Variants in AOX1 observed in about 807,000 individuals in gnomAD.
The protein encoded by AOX1 is aldehyde oxidase 1.
In AOX1, 153 loss-of-function variants were observed where a neutral mutation model predicts 169.5. The ratio of observed to expected loss-of-function variants is 0.90; its 90% confidence interval spans 0.79 to 1.03. The LOEUF (loss-of-function observed/expected upper bound fraction) is 1.03. AOX1 is among the 50% of genes least tolerant of loss of function. The pLI is 0.00. For missense variants in AOX1, 1,656 were observed against 1,663.9 expected (o/e 1.00, Z 0.08); for synonymous variants, 562 against 581.9 (o/e 0.97, Z 0.49).
intron 27 of AOX1, 87 bp from the exon 28 acceptor site, chr2:200,659,078 G>T: frequency 7.8e-7 from 1 of 1,281,872 alleles, no homozygotes; most frequent in Non-Finnish European, 1.1e-6. Flanking sequence ...GGGTATGAGG[G>T]TATCACACAT....
In AOX1 at chr2:200,651,033, T is replaced by A; in HGVS notation, c.2907T>A (p.Asn969Lys). The A allele has an allele frequency of 6.2e-7, 1 of 1,614,230 alleles. No homozygotes were observed. Among genetic ancestry groups the A allele is most frequent in the East Asian group, 2.2e-5 (1 of 44,892 alleles). Residue 969 changes from asparagine to lysine, a missense_variant, in exon 26 of 35, where the codon AAT becomes AAA. By Grantham distance (94) the Asn-to-Lys change is moderately conservative. Transcript: ENST00000374700. ...AAACACCCTACAAACAAGAGATCAATGCCAAGAACCTAATCCAGTGTTGGA... is the reference window on the plus strand; with the variant it reads ...AAACACCCTACAAACAAGAGATCAAAGCCAAGAACCTAATCCAGTGTTGGA... ...IDQTPYKQEI[N>K]AKNLIQCWRE...
At chr2:200,593,311 C>A in intron 2 of AOX1, 108 bp downstream of exon 2, 2 of 902,654 alleles carry the variant, frequency 2.2e-6, no homozygotes, top group South Asian at 1.5e-5. Flanking sequence ...GAGACATATT[C>A]CCTACTATCA....
At chr2:200,674,807 A>G (rs2036074198), downstream of AOX1, among the ~76,000 whole-genome samples, 4 of 152,182 alleles carry the variant, frequency 2.6e-5, no homozygotes, top group Admixed American at 1.3e-4. Context: ...TTTGGTGGCA[A>G]ATTGACTACA....
downstream of AOX1, among the ~76,000 whole-genome samples, chr2:200,674,172 A>T (rs1312950977): frequency 6.6e-6 from 1 of 152,214 alleles, no homozygotes; most frequent in East Asian, 1.9e-4. Context: ...GGCAGAGTGG[A>T]GGGGTCCTTA....
chr2:200,600,332 AT>A (rs1301336818), intron 5 of AOX1, among the ~76,000 whole-genome samples: 14 of 152,200 alleles, frequency 9.2e-5, no homozygotes, highest in Admixed American at 9.2e-4. Flanking sequence ...TTTCAGGACC[AT>A]ATTCAACATC....
chr2:200,627,282 G>T lies in AOX1; in HGVS notation c.2125-71G>T, dbSNP rs146555054. 4.0e-4 allele frequency: 383 copies of T among 955,870 alleles called. 2 individuals are homozygous for T. The African/African-American group carries it at 5.7e-3, about 14-fold the overall frequency. The allele number at this position is 955,870 out of a possible 1,614,324, so 59.2% of individuals were successfully genotyped here. On this transcript the variant is annotated intron_variant, in intron 19 of 34. Coordinates refer to ENST00000374700, the MANE Select transcript of AOX1 (RefSeq NM_001159.4). ...ACAACCCCTGCTCAGAGGATGTGCAGTGGGGTGTGTCTGCTGCCCTAGGGC... is the reference window on the plus strand; with the variant it reads ...ACAACCCCTGCTCAGAGGATGTGCATTGGGGTGTGTCTGCTGCCCTAGGGC...
Position 200,662,916 on chromosome 2 carries a change from T to C in AOX1, c.3490T>C (p.Tyr1164His). 6.2e-7 allele frequency: 1 copy of C among 1,614,072 alleles called. No individual in the cohort carries two copies. The highest frequency in any genetic ancestry group is 8.5e-7 in the Non-Finnish European group (1 of 1,179,960). ...AGGCCAGCCCTTCGAATACTTTGTTTATGGAGCTGCCTGTTCCGAGGTTGA... is the reference window on the plus strand; with the variant it reads ...AGGCCAGCCCTTCGAATACTTTGTTCATGGAGCTGCCTGTTCCGAGGTTGA... ...GEGQPFEYFV[Y>H]GAACSEVEID... Residue 1164 changes from tyrosine (Y) to histidine (H), a missense_variant, in exon 31 of 35, where the codon TAT becomes CAT. Physicochemically the swap from Tyr to His is moderately conservative, Grantham distance 83. Transcript: ENST00000374700.
At chr2:200,654,361 T>C (rs113470354) in intron 26 of AOX1, among the ~76,000 whole-genome samples, 2,381 of 152,264 alleles carry the variant, frequency 0.016, 55 homozygotes, top group African/African-American at 0.053. Context: ...AAGGCTCAGA[T>C]GGTTGTTAGC....
chr2:200,643,061 C>T (rs1392863458), intron 25 of AOX1, among the ~76,000 whole-genome samples: 1 of 152,130 alleles, frequency 6.6e-6, no homozygotes. Context: ...GAGAAGCTTC[C>T]ATTGGCTGGG....
At chr2:200,657,958 A>T (rs1354075701) in intron 27 of AOX1, among the ~76,000 whole-genome samples, 1 of 152,266 alleles carries the variant, frequency 6.6e-6, no homozygotes, top group Non-Finnish European at 1.5e-5. Context: ...CACCCACTTT[A>T]TATAGCGTGA....
At chr2:200,641,641 C>T (rs774056587) in intron 24 of AOX1, among the ~76,000 whole-genome samples, 1 of 151,980 alleles carries the variant, frequency 6.6e-6, no homozygotes. Context: ...GATCCTCCCA[C>T]CTCAGCCTCC....
chr2:200,610,866 A>T (rs543932862), intron 12 of AOX1, among the ~76,000 whole-genome samples: 2 of 152,102 alleles, frequency 1.3e-5, no homozygotes, highest in African/African-American at 2.4e-5. Flanking sequence ...TTTTAAAAAA[A>T]TTTTTTAGAT....
At chr2:200,610,732 C>T (rs192064315) in intron 12 of AOX1, among the ~76,000 whole-genome samples, 2 of 152,060 alleles carry the variant, frequency 1.3e-5, no homozygotes. Flanking sequence ...AATATTTACT[C>T]CCTACTTGTA....
intron 26 of AOX1, among the ~76,000 whole-genome samples, chr2:200,656,225 C>A (rs2035680066): frequency 6.6e-6 from 1 of 152,222 alleles, no homozygotes; most frequent in African/African-American, 2.4e-5. Context: ...AAGAAGCCAT[C>A]CTTCTTTCCT....
rs759568130 is a variant in AOX1 at position 200,604,035 on chromosome 2, G to A, written c.607G>A (p.Ala203Thr). The A allele has an allele frequency of 5.6e-6, 9 of 1,611,872 alleles. 1 individual carries two copies. The highest frequency in any genetic ancestry group is 1.3e-5 in the African/African-American group (1 of 74,838). ...TTTTTAGACAAGTCCAAAACTCTTC[G>A]CAGAAGAGGAGTTTCTGCCATTGGA... is the stretch of plus-strand genomic sequence containing the variant. ...EGSKTSPKLFAEEEFLPLDPT... is the reference protein window; with the variant it reads ...EGSKTSPKLFTEEEFLPLDPT... Residue 203 changes from alanine to threonine, a missense_variant, in exon 8 of 35, where the codon GCA (alanine) becomes ACA (threonine). Physicochemically the swap from Ala to Thr is moderately conservative, Grantham distance 58. Transcript: ENST00000374700.
intron 14 of AOX1, among the ~76,000 whole-genome samples, chr2:200,613,027 T>TGTGTGTGTGTGTGAGA (rs112472592): frequency 7.8e-4 from 114 of 146,206 alleles, no homozygotes; most frequent in African/African-American, 1.2e-3. Flanking sequence ...TGTGTGTGTG[T>TGTGTGTGTGTGTGAGA]GAGAGAGAGA....
intron 5 of AOX1, 70 bp from the exon 6 acceptor site, chr2:200,602,214 A>T: frequency 7.7e-7 from 1 of 1,300,914 alleles, no homozygotes; most frequent in African/African-American, 1.5e-5. Context: ...CCTCATTTCC[A>T]TCACACTCTT....
intron 11 of AOX1, 63 bp from the exon 12 acceptor site, chr2:200,609,258 C>A (rs1230361700): frequency 1.9e-6 from 3 of 1,592,984 alleles, no homozygotes; most frequent in Non-Finnish European, 2.6e-6. Context: ...CTTGCTTAAT[C>A]CTTATTTTAG....
Position 200,599,752 on chromosome 2 carries a change from T to C in AOX1, c.436+6T>C, listed in dbSNP as rs764062211. The C allele has an allele frequency of 3.3e-6, 5 of 1,523,222 alleles. No homozygotes were observed. Among genetic ancestry groups the C allele is most frequent in the Non-Finnish European group, 4.4e-6 (5 of 1,140,068 alleles). 94.4% of individuals were successfully genotyped at this position (1,523,222 alleles called of 1,614,324 possible). A position where few individuals can be genotyped will look rare whatever the true frequency, so the allele number is the denominator to read the frequency against. On this transcript the variant is annotated splice_donor_region_variant and intron_variant, in intron 5 of 34. Coordinates refer to ENST00000374700, the MANE Select transcript of AOX1 (RefSeq NM_001159.4). ...GTTAACTGATGCCCTTGGTGGTAGG[T>C]TATATATGCATGCTTTTATTTTTTA... is the stretch of plus-strand genomic sequence containing the variant.
Sources: gnomAD v4.1 joint callset for allele counts (sites outside exome capture counted in the v4.1 genomes callset) on GRCh38, gnomAD v4.1.1 for gene constraint, MANE v1.5 for transcripts, NCBI Gene and HGNC (gene_info 2026-07-23, HGNC 2026-07-21) for gene names.